ASXL1: variants seen among roughly 807,000 people sequenced by gnomAD.
ASXL1 encodes polycomb group protein ASXL1.
Under a neutral mutation model 89.1 loss-of-function variants are expected in ASXL1, and 65 were observed. The ratio of observed to expected loss-of-function variants is 0.73; its 90% CI spans 0.60 to 0.90. The LOEUF is 0.90. Among genes scored for constraint, ASXL1 ranks in the 40% least tolerant of loss-of-function variants. ASXL1 has a pLI of 0.00. For synonymous variants in ASXL1, 739 were observed against 746.9 expected, an observed-to-expected ratio of 0.99 and a Z score of 0.17; for missense variants, 1,786 against 1,942.9, an observed-to-expected ratio of 0.92 and a Z score of 1.52.
chr20:32,435,827 C>T lies in ASXL1; in HGVS notation c.3115C>T (p.Gln1039Ter), dbSNP rs1221031683. 1 of 1,614,174 alleles carries T rather than the reference C, an allele frequency of 6.2e-7. No homozygotes were observed. The highest frequency in any genetic ancestry group is 8.5e-7 in the Non-Finnish European group (1 of 1,180,030). Residue 1039 changes from glutamine to a stop codon, truncating the protein, a stop_gained, in exon 13 of 13, where the codon CAA becomes TAA. Coordinates refer to ENST00000375687, the MANE Select transcript of ASXL1 (RefSeq NM_015338.6). LOFTEE classifies it low-confidence loss of function (END_TRUNC). ...CAAGGATGAGAAACCCAATTGGAAC[C>T]AATCTGCCCCACTGTCCAAGGTGAA... ...VDKDEKPNWN[Q>*]SAPLSKVNGD...
rs2011794059 is a variant in ASXL1, at chr20:32,435,623, A to C, written c.2911A>C (p.Asn971His). The change falls in exon 13 of 13, where the codon AAT (asparagine) becomes CAT (histidine). Residue 971 changes from asparagine (N) to histidine (H), a missense_variant. Asn to His is a moderately conservative substitution (Grantham distance 68). Transcript: ENST00000375687. ...GCCATCTCGAGGAGGCAGTGACAGC[A>C]ATGGCAGTTACTGTCAACAGGTGGA... ...TVPSRGGSDS[N>H]GSYCQQVDIE... 6 of 1,614,142 alleles carry C rather than the reference A, an allele frequency of 3.7e-6. No individual in the cohort carries two copies. The highest frequency in any genetic ancestry group is 5.1e-6 in the Non-Finnish European group (6 of 1,180,044).
chr20:32,378,195 T>TGTGTGTGTGTGTGTGTGTGTG (rs1569255451), intron 4 of ASXL1, among the ~76,000 whole-genome samples: 4 of 147,374 alleles, frequency 2.7e-5, no homozygotes, highest in African/African-American at 7.4e-5. Context: ...TGTGTGTGTG[T>TGTGTGTGTGTGTGTGTGTGTG]TTTAATAGAG....
At chr20:32,382,751 A>G (rs921325658) in intron 4 of ASXL1, among the ~76,000 whole-genome samples, 2 of 151,992 alleles carry the variant, frequency 1.3e-5, no homozygotes, top group African/African-American at 2.4e-5. Context: ...GTGCCACTGC[A>G]CTCCAGCCTG....
chr20:32,397,041 T>TC (rs1555906107), intron 4 of ASXL1, among the ~76,000 whole-genome samples: 39 of 149,274 alleles, frequency 2.6e-4, no homozygotes, highest in Admixed American at 1.4e-3. Flanking sequence ...TTTTTTTTTT[T>TC]CCCTGTATTT....
chr20:32,378,003 T>TGTGTGTGTGTGTGTGTGTGTGTGTGTG (rs56248414), intron 4 of ASXL1, among the ~76,000 whole-genome samples: 7 of 144,586 alleles, frequency 4.8e-5, no homozygotes, highest in Non-Finnish European at 9.1e-5. Context: ...TGTGTGTGTG[T>TGTGTGTGTGTGTGTGTGTGTGTGTGTG]TTTGGAGACA....
chr20:32,368,940 T>G, intron 3 of ASXL1, 75 bp from the exon 4 acceptor site: 10 of 1,208,014 alleles, frequency 8.3e-6, no homozygotes, highest in Non-Finnish European at 1.1e-5. Context: ...CATTTAAGAA[T>G]GAGTTGGAGG....
Position 32,393,616 on chromosome 20 carries a change from C to T in ASXL1, c.252+24493C>T, listed in dbSNP as rs183394103. 4.0e-3 allele frequency among the ~76,000 whole-genome samples: 600 copies of T among 151,394 alleles called. 3 individuals carry two copies. Among genetic ancestry groups the T allele is most frequent in the Non-Finnish European group, 3.7e-3 (250 of 67,784 alleles). On this transcript the variant is annotated intron_variant, in intron 4 of 12. Transcript: ENST00000375687. ...CCTCCCAAGTAGCTGGGACTGCAGG[C>T]ACCTGACACCACACCCGGCTAATTT...
chr20:32,393,721 C>T (rs2048712880), intron 4 of ASXL1, among the ~76,000 whole-genome samples: 1 of 152,128 alleles, frequency 6.6e-6, no homozygotes, highest in Non-Finnish European at 1.5e-5. Context: ...CCGCCCACCT[C>T]AGCCTCCCAA....
rs1260231635 is a variant in ASXL1 at position 32,437,368 on chromosome 20, T to C, written c.*30T>C. 1 of 1,602,288 alleles carries C rather than the reference T, an allele frequency of 6.2e-7. No individual in the cohort carries two copies. The highest frequency in any genetic ancestry group is 2.2e-5 in the East Asian group (1 of 44,806). On this transcript the variant is annotated 3_prime_UTR_variant, in exon 13 of 13. Transcript: ENST00000375687. ...TTATGGCCATGGGAAACATTGTATA[T>C]TTAGTGTGTGTATTTTGATAATGAT... is the stretch of plus-strand genomic sequence containing the variant.
intron 4 of ASXL1, among the ~76,000 whole-genome samples, chr20:32,426,554 C>CTTTTTTTTTTTT (rs1177815042): frequency 1.2e-4 from 10 of 83,948 alleles, no homozygotes; most frequent in African/African-American, 2.7e-4. Flanking sequence ...TTTTTTCTTT[C>CTTTTTTTTTTTT]TTTTTTTTTT....
intron 4 of ASXL1, among the ~76,000 whole-genome samples, chr20:32,420,307 A>G (rs1454952515): frequency 6.6e-6 from 1 of 152,164 alleles, no homozygotes. Context: ...GATATAAGGA[A>G]AGGCATAACT....
At chr20:32,406,428 G>C (rs529674079) in intron 4 of ASXL1, among the ~76,000 whole-genome samples, 1 of 152,150 alleles carries the variant, frequency 6.6e-6, no homozygotes, top group East Asian at 1.9e-4. Context: ...GCACATGCCT[G>C]TAGTCCCAGC....
In ASXL1 at chr20:32,429,194, G is replaced by A. The variant is rs2011439522; in HGVS notation, c.472-144G>A. The A allele has an allele frequency of 1.2e-6, 1 of 804,400 alleles. No homozygotes were observed. Among genetic ancestry groups the A allele is most frequent in the Admixed American group, 2.0e-5 (1 of 49,460 alleles). 49.8% of individuals were successfully genotyped at this position (804,400 alleles called of 1,614,324 possible). On this transcript the variant is annotated intron_variant, in intron 6 of 12. Transcript: ENST00000375687. This position sits in a 1 kb window ranked among gnomAD's most constrained non-coding sequence, Gnocchi z 4.9. ...GCACGTAGCTCAGTAACATTAACCA[G>A]TGCTCTTGTCAGCATTATTTGACAG...
chr20:32,419,939 C>T (rs773527274), intron 4 of ASXL1, among the ~76,000 whole-genome samples: 1 of 152,022 alleles, frequency 6.6e-6, no homozygotes, highest in East Asian at 1.9e-4. Flanking sequence ...CTCGGCCTCC[C>T]GAAATGCTGG....
At chr20:32,361,642 A>C (rs962672722) in intron 1 of ASXL1, among the ~76,000 whole-genome samples, 1 of 151,846 alleles carries the variant, frequency 6.6e-6, no homozygotes, top group Non-Finnish European at 1.5e-5. Flanking sequence ...TCAAAAAAAA[A>C]AAAAAAAGAA....
rs888626701 is a variant in ASXL1 at position 32,429,756 on chromosome 20, G to A, written c.566-145G>A. The A allele has an allele frequency of 9.4e-6, 11 of 1,164,394 alleles. No homozygotes were observed. In the African/African-American group the frequency reaches 1.5e-4, roughly 16 times the overall value. The allele number at this position is 1,164,394 out of a possible 1,614,324, so 72.1% of individuals were successfully genotyped here. On this transcript the variant is annotated intron_variant, in intron 7 of 12. Coordinates refer to ENST00000375687, the MANE Select transcript of ASXL1 (RefSeq NM_015338.6). The surrounding 1 kb of genome is among the most constrained non-coding windows in gnomAD (Gnocchi z 4.9). ...TTTTAAAGCCAGACCATGAAGTGGT[G>A]GTTTCTCTCAGCCTAAGGCTGGGAG...
chr20:32,428,738 G>T (rs2011421058), intron 6 of ASXL1: 1 of 298,594 alleles, frequency 3.3e-6, no homozygotes, highest in East Asian at 8.3e-5. Flanking sequence ...TCCGCTTACT[G>T]CAACCTCTGC....
chr20:32,370,965 TAAAAAAA>T (rs776902032), intron 4 of ASXL1, among the ~76,000 whole-genome samples: 1 of 87,378 alleles, frequency 1.1e-5, no homozygotes, highest in African/African-American at 4.3e-5. Flanking sequence ...TTGTCTCTAT[TAAAAAAA>T]AAAAAAAAAA....
In ASXL1 at chr20:32,429,907, C is replaced by G. The variant is rs779803649; in HGVS notation, c.572C>G (p.Ser191Trp). The stretch of plus-strand genomic sequence containing the variant: ...TGGAATGCTGTGCCTTCAGGGTTCT[C>G]GGGCTGCCACGCCGATGGCGAGAGC... ...GAHVESASGF[S>W]GCHADGESGS... Residue 191 changes from serine (S) to tryptophan (W), a missense_variant, in exon 8 of 13, where the codon TCG (serine) becomes TGG (tryptophan). Physicochemically the swap from Ser to Trp is radical, Grantham distance 177. Coordinates refer to ENST00000375687, the MANE Select transcript of ASXL1 (RefSeq NM_015338.6). This position sits in a 1 kb window ranked among gnomAD's most constrained non-coding sequence, Gnocchi z 4.9. 1.2e-6 allele frequency: 2 copies of G among 1,607,596 alleles called. No homozygotes were observed. The highest frequency in any genetic ancestry group is 3.3e-5 in the Admixed American group (2 of 59,892).
Sources: allele counts gnomAD v4.1 joint callset (sites outside exome capture counted in the v4.1 genomes callset), GRCh38; gene constraint gnomAD v4.1.1; non-coding constraint Gnocchi (gnomAD v3.1); transcripts MANE v1.5; gene names NCBI Gene and HGNC (gene_info 2026-07-23, HGNC 2026-07-21).